PRLR: variants seen among roughly 807,000 people sequenced by gnomAD.
PRLR encodes hPRL receptor.
PRLR carries 13 observed loss-of-function variants against 40.2 expected under a neutral mutation model. The observed-to-expected ratio is 0.32, with a 90% CI of 0.21 to 0.51. The LOEUF (loss-of-function observed/expected upper bound fraction) is 0.51. PRLR is among the 20% of genes least tolerant of loss of function. PRLR has a pLI of 0.97. For missense variants in PRLR, 656 were observed against 747.3 expected (o/e 0.88, Z 1.42); for synonymous variants, 269 against 278.7 (o/e 0.97, Z 0.35).
intron 1 of PRLR, among the ~76,000 whole-genome samples, chr5:35,207,417 T>G (rs1209319316): frequency 1.3e-5 from 2 of 151,858 alleles, no homozygotes; most frequent in African/African-American, 4.8e-5. Flanking sequence ...AAAGCTAAAA[T>G]TATAAAAGAA....
At chr5:35,082,563 C>T (rs933746494) in intron 5 of PRLR, among the ~76,000 whole-genome samples, 28 of 152,144 alleles carry the variant, frequency 1.8e-4, no homozygotes, top group African/African-American at 5.3e-4. Context: ...AAAAATGTCT[C>T]CAGTCATTGC....
intron 5 of PRLR, among the ~76,000 whole-genome samples, chr5:35,078,477 G>A (rs249541): frequency 0.19 from 28,150 of 151,748 alleles, 3,038 homozygotes; most frequent in African/African-American, 0.29. Flanking sequence ...ATTCCTGGAC[G>A]CGTACACCCT....
At chr5:35,116,631 C>G (rs1246127688) in intron 2 of PRLR, among the ~76,000 whole-genome samples, 1 of 152,242 alleles carries the variant, frequency 6.6e-6, no homozygotes, top group East Asian at 1.9e-4. Context: ...CAGTAAATAG[C>G]ATGAGGCATT....
rs140279563 is a variant in PRLR at position 35,065,169 on chromosome 5, C to T, written c.1789G>A (p.Ala597Thr). Residue 597 changes from alanine (A) to threonine (T), a missense_variant, in exon 10 of 10, where the codon GCA (alanine) becomes ACA (threonine). This residue lies in a region of PRLR where 469 missense variants were observed against 491.5 expected (regional missense o/e 0.95). Coordinates refer to ENST00000618457, the MANE Select transcript of PRLR (RefSeq NM_000949.7). ...QAEKALANFT[A>T]TSSKCRLQLG... ...TGGAGCCTGCACTTGCTTGATGTTG[C>T]AGTGAAGTTGGCCAGGGCTTTCTCA... 12 of 1,614,192 alleles carry T rather than the reference C, an allele frequency of 7.4e-6. No individual in the cohort carries two copies. The highest frequency in any genetic ancestry group is 1.0e-5 in the Non-Finnish European group (12 of 1,180,030).
Position 35,065,636 on chromosome 5 carries a change from A to G in PRLR, c.1322T>C (p.Val441Ala). Residue 441 changes from valine to alanine, a missense_variant, in exon 10 of 10, where the codon GTG (valine) becomes GCG (alanine). By Grantham distance (64) the Val-to-Ala change is moderately conservative. Around this residue, in one of 3 missense-constraint regions of PRLR, gnomAD observed 469 missense variants for 491.5 expected, o/e 0.95. Transcript: ENST00000618457. The stretch of plus-strand genomic sequence containing the variant: ...AGTGGCCGGTGCACCTGCAGGGCCC[A>G]CAGCCAGCTCACACACATCAGTAAT... ...HNITDVCELA[V>A]GPAGAPATLL... is the part of the protein sequence containing the mutation. The G allele has an allele frequency of 6.2e-7, 1 of 1,613,946 alleles. No homozygotes were observed. The highest frequency in any genetic ancestry group is 8.5e-7 in the Non-Finnish European group (1 of 1,179,938).
intron 3 of PRLR, among the ~76,000 whole-genome samples, 171 bp downstream of exon 3, chr5:35,089,379 AT>A (rs1380788367): frequency 7.2e-5 from 11 of 152,358 alleles, no homozygotes; most frequent in African/African-American, 2.2e-4. Context: ...CATTAATTGC[AT>A]TAATTTTTCT....
At chr5:35,076,169 G>A (rs974178432) in intron 5 of PRLR, among the ~76,000 whole-genome samples, 7 of 152,170 alleles carry the variant, frequency 4.6e-5, no homozygotes, top group Admixed American at 2.6e-4. Flanking sequence ...CGCCAGCAAC[G>A]AAACAAAGCT....
At chr5:35,210,454 C>T (rs1199446210) in intron 1 of PRLR, among the ~76,000 whole-genome samples, 1 of 152,110 alleles carries the variant, frequency 6.6e-6, no homozygotes, top group African/African-American at 2.4e-5. Flanking sequence ...ACACACAGTT[C>T]CTTCTATAAC....
At chr5:35,088,632 T>G (rs972387071) in intron 3 of PRLR, among the ~76,000 whole-genome samples, 2 of 152,192 alleles carry the variant, frequency 1.3e-5, no homozygotes, top group African/African-American at 4.8e-5. Context: ...AAATGTTTCC[T>G]TCATCTGCAT....
intron 1 of PRLR, among the ~76,000 whole-genome samples, chr5:35,162,931 T>C (rs911266353): frequency 1.3e-5 from 2 of 152,326 alleles, no homozygotes; most frequent in African/African-American, 4.8e-5. Context: ...GCCTCTATTT[T>C]CTGCCAGTGG....
At position 35,065,043 on chromosome 5, in the gene PRLR, C is replaced by T. The variant is rs373431772; in HGVS notation, c.*46G>A. On this transcript the variant is annotated 3_prime_UTR_variant, in exon 10 of 10. Transcript: ENST00000618457. ...CATTTCACGTACTCTGTAGTGTTAC[C>T]TGAAGAAAAATCACATTTTAACCAA... is the stretch of plus-strand genomic sequence containing the variant. The T allele has an allele frequency of 4.5e-6, 7 of 1,564,386 alleles. No homozygotes were observed. The highest frequency in any genetic ancestry group is 6.1e-6 in the Non-Finnish European group (7 of 1,151,166).
At chr5:35,112,425 C>T (rs914236857) in intron 2 of PRLR, among the ~76,000 whole-genome samples, 15 of 152,162 alleles carry the variant, frequency 9.9e-5, no homozygotes, top group Non-Finnish European at 1.8e-4. Context: ...ACTCTGGCCC[C>T]GGGGCTTCTG....
chr5:35,157,681 C>T (rs1450642200), intron 1 of PRLR, among the ~76,000 whole-genome samples: 2 of 152,176 alleles, frequency 1.3e-5, no homozygotes, highest in Non-Finnish European at 2.9e-5. Context: ...CACATACCCT[C>T]ATCCCCTCGA....
At chr5:35,219,946 C>T (rs1026221555) in intron 1 of PRLR, among the ~76,000 whole-genome samples, 4 of 152,210 alleles carry the variant, frequency 2.6e-5, no homozygotes, top group African/African-American at 7.2e-5. Flanking sequence ...CTGGTCCCCT[C>T]CATCTGAAAG....
chr5:35,157,517 T>C lies in PRLR; in HGVS notation c.-105-39395A>G, dbSNP rs530867382. ...CTCTTCGGGGTTGCTTATGCCATAT[T>C]CAATGTAAGCCCAGAACACAGATGA... On this transcript the variant is annotated intron_variant, in intron 1 of 9. Coordinates refer to ENST00000618457, the MANE Select transcript of PRLR (RefSeq NM_000949.7). Among the ~76,000 whole-genome samples, 3 of 152,286 alleles carry C rather than the reference T, an allele frequency of 2.0e-5. 1 individual carries two copies. The South Asian group carries it at 6.2e-4, about 32-fold the overall frequency.
intron 1 of PRLR, among the ~76,000 whole-genome samples, chr5:35,158,260 A>C (rs1180665584): frequency 6.6e-6 from 1 of 152,106 alleles, no homozygotes; most frequent in East Asian, 1.9e-4. Context: ...CCTGAACTAG[A>C]CCATGTGTGT....
At chr5:35,090,684 G>A (rs1418239311) in intron 2 of PRLR, among the ~76,000 whole-genome samples, 2 of 150,912 alleles carry the variant, frequency 1.3e-5, no homozygotes, top group African/African-American at 4.9e-5. Flanking sequence ...TGTTTGATGA[G>A]CCCCTGAAAG....
At chr5:35,221,777 G>A (rs1354492534) in intron 1 of PRLR, among the ~76,000 whole-genome samples, 2 of 152,154 alleles carry the variant, frequency 1.3e-5, no homozygotes, top group African/African-American at 4.8e-5. Flanking sequence ...TTTTGCTATT[G>A]CTAAAGCTTT....
chr5:35,094,276 C>T (rs1771398207), intron 2 of PRLR, among the ~76,000 whole-genome samples: 1 of 151,462 alleles, frequency 6.6e-6, no homozygotes, highest in South Asian at 2.1e-4. Flanking sequence ...GATCATACAA[C>T]ATGCATTTCT....
Sources: gnomAD v4.1 joint callset for allele counts (sites outside exome capture counted in the v4.1 genomes callset) on GRCh38, gnomAD v4.1.1 for gene constraint, gnomAD v4.1.1 regional missense constraint, MANE v1.5 for transcripts, NCBI Gene and HGNC (gene_info 2026-07-23, HGNC 2026-07-21) for gene names.